Variants in RABGEF1 observed in about 807,000 individuals in gnomAD.
RABGEF1 encodes the protein rab5 GDP/GTP exchange factor.
RABGEF1 carries 26 observed loss-of-function variants against 57.3 expected under a neutral mutation model. That is an observed-to-expected ratio of 0.45 (90% CI 0.33 to 0.63). The LOEUF (loss-of-function observed/expected upper bound fraction) is 0.63. Among genes scored for constraint, RABGEF1 ranks in the 20% least tolerant of loss-of-function variants. The pLI, the probability that RABGEF1 is intolerant of heterozygous loss-of-function variation, is 0.02. For synonymous variants in RABGEF1, 185 were observed against 210.7 expected (o/e 0.88, Z 1.06); for missense variants, 464 against 607.6 (o/e 0.76, Z 2.48).
intron 1 of RABGEF1, among the ~76,000 whole-genome samples, chr7:66,703,321 T>G (rs1324774403): frequency 6.6e-6 from 1 of 152,194 alleles, no homozygotes; most frequent in Non-Finnish European, 1.5e-5. Flanking sequence ...TATTTTTTCT[T>G]TTGTTGCTTG....
At chr7:66,784,801 G>A (rs1355346670) in intron 4 of RABGEF1, among the ~76,000 whole-genome samples, 2 of 151,916 alleles carry the variant, frequency 1.3e-5, no homozygotes, top group Admixed American at 6.6e-5. Context: ...CTTTCTCTAG[G>A]TATTTTTTCT....
intron 1 of RABGEF1, among the ~76,000 whole-genome samples, chr7:66,765,959 TA>T (rs909587805): frequency 1.3e-5 from 2 of 152,102 alleles, no homozygotes; most frequent in African/African-American, 4.8e-5. Flanking sequence ...GTACAAAATT[TA>T]AAAAAACTTA....
intron 1 of RABGEF1, among the ~76,000 whole-genome samples, chr7:66,759,482 G>A (rs1055370415): frequency 6.6e-6 from 1 of 152,200 alleles, no homozygotes; most frequent in African/African-American, 2.4e-5. Context: ...TGGTCACATA[G>A]TATATTAGTT....
chr7:66,733,080 C>T (rs1304677443), intron 2 of RABGEF1, among the ~76,000 whole-genome samples: 2 of 152,204 alleles, frequency 1.3e-5, no homozygotes, highest in Non-Finnish European at 2.9e-5. Context: ...GGAGTCCTGG[C>T]CCCTAAGGCA....
At chr7:66,659,518 G>A in the RABGEF1 span, among the ~76,000 whole-genome samples, 45 of 151,714 alleles carry the variant, frequency 3.0e-4, no homozygotes, top group Non-Finnish European at 4.1e-4. Context: ...AGTGGCTCAG[G>A]CGGGTAATCC....
chr7:66,692,169 C>T (rs1252596310), intron 1 of RABGEF1, among the ~76,000 whole-genome samples: 2 of 152,232 alleles, frequency 1.3e-5, no homozygotes, highest in Admixed American at 6.5e-5. Flanking sequence ...CTACCGGCTG[C>T]CATACTGAAC....
chr7:66,679,015 A>T (rs367679190), upstream of RABGEF1, among the ~76,000 whole-genome samples: 19 of 152,238 alleles, frequency 1.2e-4, no homozygotes, highest in African/African-American at 4.1e-4. Flanking sequence ...AGATGTTTCC[A>T]TTAATGTCCC....
chr7:66,787,082 A>G (rs1422908027), intron 4 of RABGEF1, among the ~76,000 whole-genome samples: 1 of 152,118 alleles, frequency 6.6e-6, no homozygotes, highest in East Asian at 1.9e-4. Flanking sequence ...GCTGGAGTGC[A>G]GTGGTGTGAT....
the RABGEF1 span, among the ~76,000 whole-genome samples, chr7:66,666,861 G>A: frequency 2.0e-5 from 3 of 152,200 alleles, no homozygotes; most frequent in African/African-American, 7.2e-5. Flanking sequence ...AATTTGCAGG[G>A]GCAGGGAGCT....
chr7:66,787,988 C>G (rs1422417244), intron 4 of RABGEF1, among the ~76,000 whole-genome samples: 1 of 152,214 alleles, frequency 6.6e-6, no homozygotes, highest in Non-Finnish European at 1.5e-5. Context: ...AACTCTTTTG[C>G]TGCTCAAACT....
intron 1 of RABGEF1, among the ~76,000 whole-genome samples, chr7:66,750,741 C>A (rs1562782748): frequency 6.6e-6 from 1 of 152,176 alleles, no homozygotes; most frequent in South Asian, 2.1e-4. Flanking sequence ...GACTACAGGT[C>A]CAACCAGTTC....
the RABGEF1 span, among the ~76,000 whole-genome samples, chr7:66,675,094 C>T: frequency 2.0e-5 from 3 of 152,092 alleles, no homozygotes; most frequent in South Asian, 2.1e-4. Flanking sequence ...TCTGTGCCAG[C>T]GATTTTCTAA....
chr7:66,716,668 A>T (rs1795437953), intron 2 of RABGEF1, among the ~76,000 whole-genome samples: 1 of 151,670 alleles, frequency 6.6e-6, no homozygotes, highest in East Asian at 1.9e-4. Context: ...TTTAAAAAAA[A>T]CTCTTCTGTC....
At chr7:66,698,109 C>G (rs536357413) in intron 1 of RABGEF1, among the ~76,000 whole-genome samples, 9 of 152,038 alleles carry the variant, frequency 5.9e-5, no homozygotes, top group East Asian at 3.9e-4. Flanking sequence ...GCACCCCCCC[C>G]ACCCTCAGAC....
the RABGEF1 span, among the ~76,000 whole-genome samples, chr7:66,660,700 A>G: frequency 5.9e-5 from 9 of 152,248 alleles, no homozygotes; most frequent in African/African-American, 1.9e-4. Context: ...AATCCTTTCA[A>G]CAAAGAAATA....
At chr7:66,717,291 G>T (rs747740985) in intron 2 of RABGEF1, among the ~76,000 whole-genome samples, 1 of 152,054 alleles carries the variant, frequency 6.6e-6, no homozygotes, top group Non-Finnish European at 1.5e-5. Flanking sequence ...TAAAATGTAG[G>T]AACCTGGCTA....
chr7:66,741,433 C>G (rs985938818), intron 1 of RABGEF1, among the ~76,000 whole-genome samples: 3 of 152,138 alleles, frequency 2.0e-5, no homozygotes, highest in African/African-American at 7.2e-5. Context: ...GGAGGAGAGC[C>G]GAGGGATGCC....
chr7:66,709,613 C>A (rs1794544694), intron 1 of RABGEF1, among the ~76,000 whole-genome samples: 1 of 152,038 alleles, frequency 6.6e-6, no homozygotes, highest in South Asian at 2.1e-4. Context: ...ATGGTGAAAC[C>A]CTGTCTCTAC....
intron 2 of RABGEF1, among the ~76,000 whole-genome samples, chr7:66,725,254 CT>C (rs1342302239): frequency 6.6e-6 from 1 of 152,112 alleles, no homozygotes; most frequent in Non-Finnish European, 1.5e-5. Context: ...CTTTAATGAC[CT>C]TTAGTATATT....
Sources: allele counts gnomAD v4.1 joint callset (sites outside exome capture counted in the v4.1 genomes callset), GRCh38; gene constraint gnomAD v4.1.1; transcripts MANE v1.5; gene names NCBI Gene and HGNC (gene_info 2026-07-23, HGNC 2026-07-21).